The following SDC1 variants were observed in gnomAD, a reference collection of about 807,000 sequenced individuals.
SDC1 encodes the protein syndecan 1, also known as syndecan-1.
In SDC1, 14 loss-of-function variants were observed where a neutral mutation model predicts 29.7. The observed-to-expected ratio is 0.47, with a 90% confidence interval of 0.31 to 0.74. SDC1 has a LOEUF of 0.74. SDC1 is among the 30% of genes least tolerant of loss of function. The pLI, the probability that SDC1 is intolerant of heterozygous loss-of-function variation, is 0.05. For synonymous variants in SDC1, 204 were observed against 175.5 expected (o/e 1.16, Z -1.29); for missense variants, 406 against 400.3 (o/e 1.01, Z -0.12).
intron 1 of SDC1, among the ~76,000 whole-genome samples, chr2:20,216,250 G>A (rs1213300169): frequency 6.6e-6 from 1 of 152,210 alleles, no homozygotes; most frequent in Non-Finnish European, 1.5e-5. Flanking sequence ...GTGGGGGGCA[G>A]GGCCTGAAGA....
At chr2:20,217,202 T>C (rs908340936) in intron 1 of SDC1, among the ~76,000 whole-genome samples, 1 of 152,176 alleles carries the variant, frequency 6.6e-6, no homozygotes, top group African/African-American at 2.4e-5. Context: ...TGGGGAGACG[T>C]GACAGGTGCT....
In SDC1 at chr2:20,202,269, T is replaced by C. The variant is rs1439709107; in HGVS notation, c.*497A>G. The C allele has an allele frequency of 1.3e-6, 1 of 779,048 alleles. No individual in the cohort carries two copies. Among genetic ancestry groups the C allele is most frequent in the Non-Finnish European group, 2.4e-6 (1 of 417,794 alleles). The allele number at this position is 779,048 out of a possible 1,614,324, so 48.3% of individuals were successfully genotyped here. Reference sequence around the variant, plus strand: ...AAACATGTGCAAAAACAAGTCGATATCTAGATTAGACCTCCCCACGAAACA... The same window carrying C: ...AAACATGTGCAAAAACAAGTCGATACCTAGATTAGACCTCCCCACGAAACA... On this transcript the variant is annotated 3_prime_UTR_variant, in exon 5 of 5. Transcript: ENST00000254351.
chr2:20,219,135 A>G (rs991318385), intron 1 of SDC1, among the ~76,000 whole-genome samples: 45 of 152,026 alleles, frequency 3.0e-4, no homozygotes, highest in African/African-American at 1.1e-3. Flanking sequence ...CCAAGACCCA[A>G]GATTTCCCAC....
In SDC1 at chr2:20,221,844, G is replaced by T. The variant is rs969213046; in HGVS notation, c.66+2958C>A. Among the ~76,000 whole-genome samples, 7 of 152,308 alleles carry T rather than the reference G, an allele frequency of 4.6e-5. No individual in the cohort carries two copies. The East Asian group carries it at 1.4e-3, about 29-fold the overall frequency. ...AGACTTAAACCGCTCCACCCTCCCT[G>T]TAGAGCTGAAGCCAGGGATGACATC... On this transcript the variant is annotated intron_variant, in intron 1 of 4. Transcript: ENST00000254351.
chr2:20,209,014 G>C (rs938712374), intron 1 of SDC1, among the ~76,000 whole-genome samples: 1 of 152,182 alleles, frequency 6.6e-6, no homozygotes, highest in Non-Finnish European at 1.5e-5. Flanking sequence ...GGGGCTGGGG[G>C]ATCAAGAGGC....
chr2:20,205,299 C>T (rs774704835), intron 2 of SDC1, 44 bp downstream of exon 2: 9 of 1,447,688 alleles, frequency 6.2e-6, no homozygotes, highest in Admixed American at 5.0e-5. Flanking sequence ...ACAGGCATGA[C>T]CTGTTGCCGT....
In SDC1 at chr2:20,202,909, G is replaced by A. The variant is rs1281526529; in HGVS notation, c.790C>T (p.Leu264Phe). 1.2e-6 allele frequency: 2 copies of A among 1,612,626 alleles called. No homozygotes were observed. The highest frequency in any genetic ancestry group is 1.1e-5 in the South Asian group (1 of 90,828). ...GGVIAGGLVG[L>F]IFAVCLVGFM... is the part of the protein sequence containing the mutation. Reference sequence around the variant, plus strand: ...CCCACCAGGCACACAGCAAAGATGAGCCCCACGAGGCCTCCGGCAATGACC... The same window carrying A: ...CCCACCAGGCACACAGCAAAGATGAACCCCACGAGGCCTCCGGCAATGACC... The change falls in exon 5 of 5, where the codon CTC becomes TTC. Residue 264 changes from leucine (L) to phenylalanine (F), a missense_variant. Leu to Phe is a conservative substitution (Grantham distance 22). Coordinates refer to ENST00000254351, the MANE Select transcript of SDC1 (RefSeq NM_002997.5).
chr2:20,205,772 T>C (rs187284499), intron 1 of SDC1, among the ~76,000 whole-genome samples: 34 of 152,116 alleles, frequency 2.2e-4, no homozygotes, highest in Non-Finnish European at 4.4e-4. Context: ...GTGGTCCCCA[T>C]GGGACCCCAT....
At chr2:20,214,796 G>A (rs1572469717) in intron 1 of SDC1, among the ~76,000 whole-genome samples, 2 of 152,298 alleles carry the variant, frequency 1.3e-5, no homozygotes, top group East Asian at 3.9e-4. Flanking sequence ...TTGAAGAATA[G>A]AAACAACTGA....
At chr2:20,205,196 A>C (rs1677218024) in intron 2 of SDC1, 147 bp downstream of exon 2, 2 of 705,400 alleles carry the variant, frequency 2.8e-6, no homozygotes, top group Non-Finnish European at 5.1e-6. Context: ...TCTCCTCAGC[A>C]TTGCCCTTTG....
In SDC1 at chr2:20,205,659, C is replaced by A. The variant is rs183940313; in HGVS notation, c.67-235G>T. Among the ~76,000 whole-genome samples the A allele has an allele frequency of 5.4e-3, 825 of 151,984 alleles. 5 individuals are homozygous for A. Among genetic ancestry groups the A allele is most frequent in the African/African-American group, 0.019 (795 of 41,442 alleles). On this transcript the variant is annotated intron_variant, in intron 1 of 4. Coordinates refer to ENST00000254351, the MANE Select transcript of SDC1 (RefSeq NM_002997.5). ...TACTGGGTGCAGGGCTGCAGGGGCA[C>A]AACAGAGTAGGCAGGGCCCTCACCC...
At chr2:20,204,372 G>GTGGGGAGGGACAGA in intron 2 of SDC1, 81 bp from the exon 3 acceptor site, 1 of 879,558 alleles carries the variant, frequency 1.1e-6, no homozygotes. Context: ...TGGGTCGGGG[G>GTGGGGAGGGACAGA]AGGCTCCAGA....
rs1677941264 is a variant in SDC1 at position 20,224,854 on chromosome 2, G to T, written c.14C>A (p.Ala5Glu). 5.6e-6 allele frequency: 7 copies of T among 1,253,194 alleles called. No individual in the cohort carries two copies. Among genetic ancestry groups the T allele is most frequent in the East Asian group, 3.3e-5 (1 of 30,614 alleles). 77.6% of individuals were successfully genotyped at this position (1,253,194 alleles called of 1,614,324 possible). A position where few individuals can be genotyped will look rare whatever the true frequency, so the allele number is the denominator to read the frequency against. ...CAGCGCGCACAGCCAGAGCCAGAGC[G>T]CCGCGCGCCTCATGCTGCCCGGACC... is the stretch of plus-strand genomic sequence containing the variant. The part of the protein sequence containing the change: MRRA[A>E]LWLWLCALAL... Residue 5 changes from alanine to glutamate, a missense_variant, in exon 1 of 5, where the codon GCG (alanine) becomes GAG (glutamate). Physicochemically the swap from Ala to Glu is moderately radical, Grantham distance 107. Transcript: ENST00000254351. The surrounding 1 kb of genome is among the most constrained non-coding windows in gnomAD (Gnocchi z 4.9).
chr2:20,202,126 C>A lies in SDC1; in HGVS notation c.*640G>T. ...AAAAAAAAAAAAAAGTCTTCTTAAC[C>A]CTGATGCTGTCTCCCGACCATAGAT... On this transcript the variant is annotated 3_prime_UTR_variant, in exon 5 of 5. Coordinates refer to ENST00000254351, the MANE Select transcript of SDC1 (RefSeq NM_002997.5). 1 of 566,126 alleles carries A rather than the reference C, an allele frequency of 1.8e-6. No individual in the cohort carries two copies. The highest frequency in any genetic ancestry group is 3.1e-6 in the Non-Finnish European group (1 of 318,198). 35.1% of individuals were successfully genotyped at this position (566,126 alleles called of 1,614,324 possible).
At chr2:20,218,010 G>A (rs553762379) in intron 1 of SDC1, among the ~76,000 whole-genome samples, 1 of 152,222 alleles carries the variant, frequency 6.6e-6, no homozygotes, top group East Asian at 1.9e-4. Context: ...ATGACCCCTT[G>A]GGCAACCAAC....
chr2:20,216,449 G>A (rs1677629257), intron 1 of SDC1, among the ~76,000 whole-genome samples: 1 of 152,188 alleles, frequency 6.6e-6, no homozygotes, highest in Non-Finnish European at 1.5e-5. Flanking sequence ...CCAGCCTCTA[G>A]GAAGGTCTCA....
chr2:20,215,212 G>A (rs1390602129), intron 1 of SDC1, among the ~76,000 whole-genome samples: 1 of 152,250 alleles, frequency 6.6e-6, no homozygotes, highest in Non-Finnish European at 1.5e-5. Flanking sequence ...AAGTTCTGGG[G>A]ACAGGCCACC....
At chr2:20,207,662 T>G (rs1677322667) in intron 1 of SDC1, among the ~76,000 whole-genome samples, 1 of 152,182 alleles carries the variant, frequency 6.6e-6, no homozygotes, top group South Asian at 2.1e-4. Context: ...GCTGAGATTG[T>G]GCCACTGCAC....
chr2:20,210,497 G>A (rs1222675704), intron 1 of SDC1, among the ~76,000 whole-genome samples: 2 of 152,204 alleles, frequency 1.3e-5, no homozygotes, highest in Non-Finnish European at 2.9e-5. Context: ...ACTCAGGAGA[G>A]GATAAGACAA....
Sources: allele counts gnomAD v4.1 joint callset (sites outside exome capture counted in the v4.1 genomes callset), GRCh38; gene constraint gnomAD v4.1.1; non-coding constraint Gnocchi (gnomAD v3.1); transcripts MANE v1.5; gene names NCBI Gene and HGNC (gene_info 2026-07-23, HGNC 2026-07-21).